Variants in ZBED4 observed in about 807,000 individuals in gnomAD.
The protein encoded by ZBED4 is zinc finger BED-type containing 4.
In ZBED4, 4 loss-of-function variants were observed where a neutral mutation model predicts 15.5. The ratio of observed to expected loss-of-function variants is 0.26; its 90% confidence interval spans 0.13 to 0.59. The LOEUF is 0.59. ZBED4 is among the 20% of genes least tolerant of loss of function. The probability of loss-of-function intolerance (pLI) is 0.90; values close to 1 mark genes in which losing one functional copy is unlikely to be tolerated. For synonymous variants in ZBED4, 692 were observed against 608.5 expected (o/e 1.14, Z -2.02); for missense variants, 1,323 against 1,461.8 (o/e 0.91, Z 1.55).
At position 49,886,194 on chromosome 22, in the gene ZBED4, G is replaced by C; in HGVS notation, c.2532G>C (p.Arg844=). The C allele has an allele frequency of 1.4e-6, 1 of 739,168 alleles. No homozygotes were observed. Among genetic ancestry groups the C allele is most frequent in the South Asian group, 1.6e-5 (1 of 62,538 alleles). 45.8% of individuals were successfully genotyped at this position (739,168 alleles called of 1,614,324 possible). A position where few individuals can be genotyped will look rare whatever the true frequency, so the allele number is the denominator to read the frequency against. ...LIVSEAIKSQ[R]MVQNLLSLAR... ...TCAGCGAGGCCATTAAGAGCCAGCG[G>C]ATGGTGCAGAACCTGCTGAGCCTCG... Residue 844 remains arginine (R), a synonymous_variant, in exon 2 of 2, where the codon CGG becomes CGC. Coordinates refer to ENST00000216268, the MANE Select transcript of ZBED4 (RefSeq NM_014838.3). This position sits in a 1 kb window ranked among gnomAD's most constrained non-coding sequence, Gnocchi z 7.7.
rs768079765 is a variant in ZBED4, at chr22:49,884,199, G to A, written c.537G>A (p.Val179=). The A allele has an allele frequency of 1.2e-6, 2 of 1,607,420 alleles. No individual in the cohort carries two copies. The highest frequency in any genetic ancestry group is 2.2e-5 in the South Asian group (2 of 90,246). Residue 179 remains valine (V), a synonymous_variant, in exon 2 of 2, where the codon GTG becomes GTA. Coordinates refer to ENST00000216268, the MANE Select transcript of ZBED4 (RefSeq NM_014838.3). ...LIQENGSVSA[V]SSFPSPSLLL... is the part of the protein sequence containing the mutation. ...AGGAAAATGGCAGTGTGTCTGCCGT[G>A]TCCTCGTTCCCCTCTCCCTCACTCC...
Position 49,884,301 on chromosome 22 carries a change from G to A in ZBED4, c.639G>A (p.Ala213=), listed in dbSNP as rs761791274. 2.0e-5 allele frequency: 33 copies of A among 1,613,248 alleles called. No individual in the cohort carries two copies. The Middle Eastern group carries it at 9.9e-4, about 48-fold the overall frequency. ...LSPIKLVQKV[A]SKIPSPDRIT... ...CCATCAAACTTGTCCAGAAAGTGGC[G>A]TCTAAGATCCCGTCCCCCGATCGAA... The change falls in exon 2 of 2, where the codon GCG becomes GCA. Residue 213 remains alanine, a synonymous_variant. Coordinates refer to ENST00000216268, the MANE Select transcript of ZBED4 (RefSeq NM_014838.3).
chr22:49,869,388 G>C (rs1202889600), intron 1 of ZBED4, among the ~76,000 whole-genome samples: 1 of 152,184 alleles, frequency 6.6e-6, no homozygotes, highest in Non-Finnish European at 1.5e-5. Context: ...GGCAGCGCTC[G>C]TCCTCCAGAC....
chr22:49,880,944 ACCT>A (rs1569163261), intron 1 of ZBED4, among the ~76,000 whole-genome samples: 1 of 152,132 alleles, frequency 6.6e-6, no homozygotes, highest in Non-Finnish European at 1.5e-5. Context: ...TCTTTTTAAG[ACCT>A]GTATACTTGT....
intron 1 of ZBED4, among the ~76,000 whole-genome samples, chr22:49,864,008 G>T (rs1262369568): frequency 6.6e-6 from 1 of 152,166 alleles, no homozygotes; most frequent in African/African-American, 2.4e-5. Context: ...TGCTCATCTT[G>T]TATTTTTCCG....
At position 49,884,677 on chromosome 22, in the gene ZBED4, G is replaced by T; in HGVS notation, c.1015G>T (p.Val339Leu). ...RHMWRAHRAI[V>L]LQENGGTGIP... Reference sequence around the variant, plus strand: ...CATGTGGAGGGCACACCGCGCCATCGTGTTGCAGGAGAACGGGGGCACGGG... The same window carrying T: ...CATGTGGAGGGCACACCGCGCCATCTTGTTGCAGGAGAACGGGGGCACGGG... The change falls in exon 2 of 2, where the codon GTG (valine) becomes TTG (leucine). Residue 339 changes from valine to leucine, a missense_variant. Around this residue, in one of 6 missense-constraint regions of ZBED4, gnomAD observed 429 missense variants for 397.9 expected, o/e 1.08. Coordinates refer to ENST00000216268, the MANE Select transcript of ZBED4 (RefSeq NM_014838.3). 6.2e-7 allele frequency: 1 copy of T among 1,608,020 alleles called. No individual in the cohort carries two copies. The highest frequency in any genetic ancestry group is 1.1e-5 in the South Asian group (1 of 90,188).
chr22:49,864,514 T>C (rs2060311097), intron 1 of ZBED4, among the ~76,000 whole-genome samples: 1 of 152,020 alleles, frequency 6.6e-6, no homozygotes, highest in Non-Finnish European at 1.5e-5. Context: ...AAGTCGAAAA[T>C]GCACTTAATA....
chr22:49,857,786 T>G (rs146874404), intron 1 of ZBED4, among the ~76,000 whole-genome samples: 1,622 of 152,322 alleles, frequency 0.011, 40 homozygotes, highest in African/African-American at 0.036. Flanking sequence ...AGATGGAATC[T>G]TGCTCTGTCA....
At chr22:49,879,935 CT>C (rs563465196) in intron 1 of ZBED4, among the ~76,000 whole-genome samples, 1 of 135,094 alleles carries the variant, frequency 7.4e-6, no homozygotes, top group African/African-American at 2.7e-5. Flanking sequence ...GTGTCTGGGC[CT>C]GTTTCTATTG....
chr22:49,858,934 G>A (rs150639482), intron 1 of ZBED4, among the ~76,000 whole-genome samples: 8 of 152,302 alleles, frequency 5.3e-5, no homozygotes, highest in Non-Finnish European at 8.8e-5. Context: ...CGTTTGGGGC[G>A]CAGGTGATGC....
chr22:49,887,046 C>T lies in ZBED4; in HGVS notation c.3384C>T (p.Ile1128=), dbSNP rs374166443. ...AVRFLGCPPS[I]VPSEKLFNTP... is the part of the protein sequence containing the mutation. The stretch of plus-strand genomic sequence containing the variant: ...GATTTTTGGGCTGCCCCCCAAGCAT[C>T]GTCCCTTCAGAAAAGCTGTTCAACA... Residue 1128 remains isoleucine, a synonymous_variant, in exon 2 of 2, where the codon ATC becomes ATT. Transcript: ENST00000216268. The T allele has an allele frequency of 4.6e-5, 75 of 1,614,156 alleles. No homozygotes were observed. The African/African-American group carries it at 8.7e-4, about 19-fold the overall frequency.
rs777008289 is a variant in ZBED4, at chr22:49,884,340, T to C, written c.678T>C (p.Ser226=). Residue 226 remains serine, a synonymous_variant, in exon 2 of 2, where the codon TCT becomes TCC. Coordinates refer to ENST00000216268, the MANE Select transcript of ZBED4 (RefSeq NM_014838.3). ...IPSPDRITEE[S]VSVVSSEEIS... ...CCCCCGATCGAATAACAGAGGAGTC[T>C]GTGTCTGTAGTTTCTTCTGAAGAAA... The C allele has an allele frequency of 6.2e-7, 1 of 1,613,438 alleles. No individual in the cohort carries two copies. Among genetic ancestry groups the C allele is most frequent in the Non-Finnish European group, 8.5e-7 (1 of 1,179,736 alleles).
Position 49,885,304 on chromosome 22 carries a change from A to C in ZBED4, c.1642A>C (p.Asn548His). 1.3e-6 allele frequency: 2 copies of C among 1,593,154 alleles called. No individual in the cohort carries two copies. The highest frequency in any genetic ancestry group is 2.2e-5 in the South Asian group (2 of 89,284). Reference protein sequence around the residue: ...LTDLPTVVTKNNQVMFPVNSK... With the variant: ...LTDLPTVVTKHNQVMFPVNSK... ...TGACTTGCCAACAGTGGTCACAAAA[A>C]ACAATCAAGTTATGTTTCCTGTTAA... is the stretch of plus-strand genomic sequence containing the variant. Residue 548 changes from asparagine to histidine, a missense_variant, in exon 2 of 2, where the codon AAC (asparagine) becomes CAC (histidine). Asn to His is a moderately conservative substitution (Grantham distance 68). This residue lies in a region of ZBED4 where 429 missense variants were observed against 397.9 expected (regional missense o/e 1.08). Transcript: ENST00000216268.
At chr22:49,854,074 A>G (rs2060263983) in intron 1 of ZBED4, 85 bp downstream of exon 1, 1 of 139,770 alleles carries the variant, frequency 7.2e-6, no homozygotes, top group Admixed American at 7.0e-5. Flanking sequence ...GGGCCGCGCC[A>G]TTGTCTGCGC....
At chr22:49,869,504 C>G (rs2060337058) in intron 1 of ZBED4, among the ~76,000 whole-genome samples, 1 of 152,144 alleles carries the variant, frequency 6.6e-6, no homozygotes, top group Non-Finnish European at 1.5e-5. Flanking sequence ...TTTTTAGTTC[C>G]TGTTTATTCC....
At position 49,889,517 on chromosome 22, in the gene ZBED4, G is replaced by T; in HGVS notation, c.*2339G>T. On this transcript the variant is annotated 3_prime_UTR_variant, in exon 2 of 2. Coordinates refer to ENST00000216268, the MANE Select transcript of ZBED4 (RefSeq NM_014838.3). ...GCTTCATGCTGCTGTATTTTTAGTT[G>T]AAGTGTTCTGAGTAACAGTCAGTGT... 6.0e-6 allele frequency: 1 copy of T among 167,146 alleles called. No homozygotes were observed. The allele number at this position is 167,146 out of a possible 1,614,324, so 10.4% of individuals were successfully genotyped here.
intron 1 of ZBED4, among the ~76,000 whole-genome samples, chr22:49,859,676 A>G (rs1403983220): frequency 6.6e-6 from 1 of 152,218 alleles, no homozygotes; most frequent in Non-Finnish European, 1.5e-5. Context: ...TATTTAAAAC[A>G]TTGTGAGTTC....
At chr22:49,866,071 G>A (rs2060321368) in intron 1 of ZBED4, among the ~76,000 whole-genome samples, 1 of 152,062 alleles carries the variant, frequency 6.6e-6, no homozygotes, top group African/African-American at 2.4e-5. Flanking sequence ...ATAAAGCATT[G>A]CTGTCAAAAT....
chr22:49,862,504 T>C (rs577304835), intron 1 of ZBED4, among the ~76,000 whole-genome samples: 66 of 152,276 alleles, frequency 4.3e-4, no homozygotes, highest in Admixed American at 1.4e-3. Flanking sequence ...ATGAGTCATA[T>C]GATAAGATGG....
Sources: allele counts gnomAD v4.1 joint callset (sites outside exome capture counted in the v4.1 genomes callset), GRCh38; gene constraint gnomAD v4.1.1; regional missense constraint gnomAD v4.1.1; non-coding constraint Gnocchi (gnomAD v3.1); transcripts MANE v1.5; gene names NCBI Gene and HGNC (gene_info 2026-07-23, HGNC 2026-07-21).